Variants in CSMD1 observed in about 807,000 individuals in gnomAD.
CSMD1 encodes CUB and Sushi multiple domains 1.
In CSMD1, 213 loss-of-function variants were observed where a neutral mutation model predicts 417.5. The observed-to-expected ratio is 0.51, with a 90% confidence interval of 0.46 to 0.57. The LOEUF (loss-of-function observed/expected upper bound fraction) is 0.57. CSMD1 is among the 20% of genes least tolerant of loss of function. The probability of loss-of-function intolerance (pLI) is 0.00; values close to 1 mark genes in which losing one functional copy is unlikely to be tolerated. For missense variants in CSMD1, 6,923 were observed against 4,529.7 expected (o/e 1.53, Z -15.17); for synonymous variants, 2,862 against 1,736.8 (o/e 1.65, Z -16.11).
chr8:4,736,495 A>G lies in CSMD1; in HGVS notation c.86-98937T>C, dbSNP rs541330451. Among the ~76,000 whole-genome samples the G allele has an allele frequency of 3.9e-5, 6 of 152,200 alleles. 1 individual carries two copies. The East Asian group carries it at 1.2e-3, about 29-fold the overall frequency. ...TACAAGAAAAACTAAAGAAGTCAGAACTCAGATACTCAAGCATACACTGCG... is the reference window on the plus strand; with the variant it reads ...TACAAGAAAAACTAAAGAAGTCAGAGCTCAGATACTCAAGCATACACTGCG... On this transcript the variant is annotated intron_variant, in intron 1 of 69. Transcript: ENST00000635120.
intron 18 of CSMD1, among the ~76,000 whole-genome samples, chr8:3,386,215 T>C (rs367933690): frequency 2.0e-5 from 3 of 152,342 alleles, no homozygotes; most frequent in African/African-American, 7.2e-5. Flanking sequence ...TGCATCTCTA[T>C]TCAGAAACTT....
chr8:3,066,313 C>T (rs1254665137), intron 49 of CSMD1, among the ~76,000 whole-genome samples: 1 of 152,194 alleles, frequency 6.6e-6, no homozygotes, highest in African/African-American at 2.4e-5. Flanking sequence ...CCATGAAAAT[C>T]TCATAGTTTT....
rs1223252061 is a variant in CSMD1, at chr8:3,795,686, TATAG to T, written c.819-41648_819-41645del. Among the ~76,000 whole-genome samples the T allele has an allele frequency of 5.2e-4, 21 of 40,608 alleles. 8 individuals are homozygous for T. The highest frequency in any genetic ancestry group is 4.4e-3 in the Admixed American group (16 of 3,600). The allele number at this position is 40,608 out of a possible 152,430, so 26.6% of individuals were successfully genotyped here. On this transcript the variant is annotated intron_variant, in intron 5 of 69. Coordinates refer to ENST00000635120, the MANE Select transcript of CSMD1 (RefSeq NM_033225.6). ...TAGATATAGATATATATCTATCATG[TATAG>T]ATATAGATATATATCTATCAAGTAC...
chr8:3,550,584 T>A (rs542193387), intron 10 of CSMD1, among the ~76,000 whole-genome samples: 3 of 152,220 alleles, frequency 2.0e-5, no homozygotes, highest in Non-Finnish European at 4.4e-5. Context: ...GGGTGCATCA[T>A]CCCTAAGTTC....
At chr8:4,929,198 G>T (rs1047915300) in intron 1 of CSMD1, among the ~76,000 whole-genome samples, 3 of 152,150 alleles carry the variant, frequency 2.0e-5, no homozygotes, top group Non-Finnish European at 4.4e-5. Context: ...AACAGAGCAC[G>T]AGGGGACACA....
chr8:4,230,534 C>T (rs113100773), intron 3 of CSMD1, among the ~76,000 whole-genome samples: 5 of 152,088 alleles, frequency 3.3e-5, no homozygotes, highest in African/African-American at 1.2e-4. Context: ...GTTTTTAGGC[C>T]AGTTGCTCAA....
In CSMD1 at chr8:4,143,441, G is replaced by A. The variant is rs559162536; in HGVS notation, c.416-111342C>T. 2.7e-5 allele frequency among the ~76,000 whole-genome samples: 4 copies of A among 149,302 alleles called. No individual in the cohort carries two copies. The East Asian group carries it at 5.8e-4, about 22-fold the overall frequency. ...CCAGGCTGAAAGTTCGGATACCTTTGGTAAATTTGTTTTATTACAGGAGGT... is the reference window on the plus strand; with the variant it reads ...CCAGGCTGAAAGTTCGGATACCTTTAGTAAATTTGTTTTATTACAGGAGGT... On this transcript the variant is annotated intron_variant, in intron 3 of 69. Transcript: ENST00000635120.
intron 7 of CSMD1, among the ~76,000 whole-genome samples, chr8:3,650,140 A>G (rs1797776740): frequency 6.6e-6 from 1 of 152,026 alleles, no homozygotes; most frequent in Non-Finnish European, 1.5e-5. Flanking sequence ...TTAGCCAGGC[A>G]TGGTGGTGGG....
chr8:4,045,798 T>G (rs1347592687), intron 3 of CSMD1, among the ~76,000 whole-genome samples: 1 of 152,174 alleles, frequency 6.6e-6, no homozygotes, highest in African/African-American at 2.4e-5. Context: ...TTCCAGACAT[T>G]GTGAGACATG....
chr8:3,961,525 GAAGAC>G lies in CSMD1; in HGVS notation c.818+36373_818+36377del, dbSNP rs767760675. ...TATTAAGATTTTGTTCTTGCTTTGT[GAAGAC>G]AATAGGAAATCTATCCTAGGCAGAA... is the stretch of plus-strand genomic sequence containing the variant. On this transcript the variant is annotated intron_variant, in intron 5 of 69. Coordinates refer to ENST00000635120, the MANE Select transcript of CSMD1 (RefSeq NM_033225.6). Among the ~76,000 whole-genome samples, 257 of 152,222 alleles carry G rather than the reference GAAGAC, an allele frequency of 1.7e-3. 1 individual carries two copies. Among genetic ancestry groups the G allele is most frequent in the Middle Eastern group, 6.8e-3 (2 of 294 alleles).
chr8:4,564,353 A>C (rs1798490819), intron 2 of CSMD1, among the ~76,000 whole-genome samples: 1 of 152,194 alleles, frequency 6.6e-6, no homozygotes, highest in Non-Finnish European at 1.5e-5. Flanking sequence ...TGCTATAAGA[A>C]AAATAACATA....
intron 10 of CSMD1, among the ~76,000 whole-genome samples, chr8:3,511,878 G>C (rs1272632843): frequency 6.7e-6 from 1 of 148,368 alleles, no homozygotes; most frequent in South Asian, 2.2e-4. Context: ...TATCGCCACA[G>C]AATTTGCGTT....
At chr8:4,295,670 A>T in intron 3 of CSMD1, among the ~76,000 whole-genome samples, 1 of 144,378 alleles carries the variant, frequency 6.9e-6, no homozygotes, top group Non-Finnish European at 1.5e-5. Context: ...TTAAGATTAC[A>T]TATGTTATAT....
At chr8:3,810,994 G>T (rs1585033156) in intron 5 of CSMD1, among the ~76,000 whole-genome samples, 1 of 152,154 alleles carries the variant, frequency 6.6e-6, no homozygotes, top group Non-Finnish European at 1.5e-5. Context: ...TTAAAGCTAT[G>T]AATTAACACT....
intron 36 of CSMD1, among the ~76,000 whole-genome samples, chr8:3,182,695 A>ATG (rs1821436213): frequency 5.1e-5 from 2 of 39,016 alleles, no homozygotes; most frequent in South Asian, 1.0e-3. Flanking sequence ...GTGTGTGTGT[A>ATG]TGTGTGTGTA....
intron 3 of CSMD1, among the ~76,000 whole-genome samples, chr8:4,191,583 T>TG (rs1408432025): frequency 1.2e-4 from 18 of 152,154 alleles, no homozygotes; most frequent in Non-Finnish European, 8.8e-5. Flanking sequence ...CATGAATCAC[T>TG]GTTCTTCAGC....
intron 1 of CSMD1, among the ~76,000 whole-genome samples, chr8:4,733,090 A>C (rs560571793): frequency 6.6e-6 from 1 of 152,308 alleles, no homozygotes; most frequent in East Asian, 1.9e-4. Context: ...TAAAATGCTG[A>C]TATTAAAGCA....
At chr8:3,494,554 TGATA>T (rs71199579) in intron 10 of CSMD1, among the ~76,000 whole-genome samples, 41,252 of 145,222 alleles carry the variant, frequency 0.28, 5,734 homozygotes, top group East Asian at 0.31. Context: ...ACAGATTAGA[TGATA>T]GATAGATAGA....
chr8:4,568,077 TAATGCAAGAATAAAA>T (rs1302305261), intron 2 of CSMD1, among the ~76,000 whole-genome samples: 1 of 152,210 alleles, frequency 6.6e-6, no homozygotes, highest in Non-Finnish European at 1.5e-5. Context: ...AATGCTTGGT[TAATGCAAGAATAAAA>T]ATAAAATACT....
Sources: allele counts gnomAD v4.1 joint callset (sites outside exome capture counted in the v4.1 genomes callset), GRCh38; gene constraint gnomAD v4.1.1; transcripts MANE v1.5; gene names NCBI Gene and HGNC (gene_info 2026-07-23, HGNC 2026-07-21).